Variants in ZNF611 observed in about 807,000 individuals in gnomAD.
ZNF611 encodes the protein zinc finger protein 611.
Under a neutral mutation model 8.9 loss-of-function variants are expected in ZNF611, and 6 were observed. The ratio of observed to expected loss-of-function variants is 0.68; its 90% CI spans 0.37 to 1.34. The LOEUF (loss-of-function observed/expected upper bound fraction) is 1.34. ZNF611 is among the 40% of genes most tolerant of loss of function. The pLI, the probability that ZNF611 is intolerant of heterozygous loss-of-function variation, is 0.02. For synonymous variants in ZNF611, 262 were observed against 279.7 expected (o/e 0.94, Z 0.63); for missense variants, 874 against 841.3 (o/e 1.04, Z -0.48).
In ZNF611 at chr19:52,704,735, A is replaced by C; in HGVS notation, c.*202T>G. The C allele has an allele frequency of 6.3e-7, 1 of 1,599,888 alleles. No individual in the cohort carries two copies. The highest frequency in any genetic ancestry group is 1.1e-5 in the South Asian group (1 of 90,188). On this transcript the variant is annotated 3_prime_UTR_variant, in exon 6 of 6. Coordinates refer to ENST00000652185, the MANE Select transcript of ZNF611 (RefSeq NM_001161499.2). The stretch of plus-strand genomic sequence containing the variant: ...ATTGCCTGATGGTGAATAAGTGTTG[A>C]CTGCTTGCCAAAGGCTTTGCCACAC...
rs563507971 is a variant in ZNF611 at position 52,715,584 on chromosome 19, G to A, written c.63+248C>T. On this transcript the variant is annotated intron_variant, in intron 4 of 5. Coordinates refer to ENST00000652185, the MANE Select transcript of ZNF611 (RefSeq NM_001161499.2). ...TGACATCAACGGGCTCACACCCCATGTTTATCCATGTCAGGGTGTGAGCCC... is the reference window on the plus strand; with the variant it reads ...TGACATCAACGGGCTCACACCCCATATTTATCCATGTCAGGGTGTGAGCCC... Among the ~76,000 whole-genome samples the A allele has an allele frequency of 3.3e-5, 5 of 152,304 alleles. No homozygotes were observed. In the East Asian group the frequency reaches 9.7e-4, roughly 29 times the overall value.
At position 52,726,014 on chromosome 19, in the gene ZNF611, A is replaced by G. The variant is rs142645488; in HGVS notation, c.-20+2716T>C. 3.5e-3 allele frequency among the ~76,000 whole-genome samples: 527 copies of G among 152,370 alleles called. 2 individuals are homozygous for G. The highest frequency in any genetic ancestry group is 0.012 in the African/African-American group (500 of 41,598). ...AAGCCCTGGAATTATCTGGAACGGG[A>G]ATGCAAACTAGAATGTGAAATGCAA... On this transcript the variant is annotated intron_variant, in intron 3 of 5. Coordinates refer to ENST00000652185, the MANE Select transcript of ZNF611 (RefSeq NM_001161499.2).
chr19:52,705,450 C>T lies in ZNF611; in HGVS notation c.1605G>A (p.Glu535=). The change falls in exon 6 of 6, where the codon GAG becomes GAA. Residue 535 remains glutamate, a synonymous_variant. Transcript: ENST00000652185. The part of the protein sequence containing the change: ...LETHKIGHTG[E]KPYKCKVCDK... ...CACAAACCTTACATTTGTATGGTTTCTCTCCAGTATGACCTATCTTATGTG... is the reference window on the plus strand; with the variant it reads ...CACAAACCTTACATTTGTATGGTTTTTCTCCAGTATGACCTATCTTATGTG... 6.2e-7 allele frequency: 1 copy of T among 1,614,180 alleles called. No homozygotes were observed. The highest frequency in any genetic ancestry group is 8.5e-7 in the Non-Finnish European group (1 of 1,180,020).
chr19:52,705,550 G>C lies in ZNF611; in HGVS notation c.1505C>G (p.Ser502Ter), dbSNP rs371627030. The C allele has an allele frequency of 5.6e-6, 9 of 1,613,326 alleles. No individual in the cohort carries two copies. The highest frequency in any genetic ancestry group is 6.8e-6 in the Non-Finnish European group (8 of 1,179,884). ...GQNSDLLIHK[S>*]IHTGEQPYKC... ...GTAAGGTTGCTCCCCAGTATGAATTGACTTATGAATTAAAAGATCTGAATT... is the reference window on the plus strand; with the variant it reads ...GTAAGGTTGCTCCCCAGTATGAATTCACTTATGAATTAAAAGATCTGAATT... Residue 502 changes from serine (S) to a stop codon, truncating the protein, a stop_gained, in exon 6 of 6, where the codon TCA becomes TGA. Transcript: ENST00000652185. LOFTEE classifies it low-confidence loss of function (END_TRUNC).
Position 52,706,761 on chromosome 19 carries a change from A to G in ZNF611, c.294T>C (p.Ile98=). ...CAATTTCCTGGAAGCAAAAATCTCC[A>G]ATGTGATGACTTTCATGTCTTTGCA... The part of the protein sequence containing the change: ...GTLQRHESHH[I]GDFCFQEIEK... The change falls in exon 6 of 6, where the codon ATT becomes ATC. Residue 98 remains isoleucine (I), a synonymous_variant. Transcript: ENST00000652185. 6.2e-7 allele frequency: 1 copy of G among 1,614,172 alleles called. No individual in the cohort carries two copies. The highest frequency in any genetic ancestry group is 8.5e-7 in the Non-Finnish European group (1 of 1,180,026).
rs570044686 is a variant in ZNF611 at position 52,732,164 on chromosome 19, G to A, written c.-221-2159C>T. On this transcript the variant is annotated intron_variant, in intron 1 of 5. Transcript: ENST00000652185. ...AGGAGCCTGTACTCCCAGCTACTCC[G>A]GAGGCTGAGGCAGGAGAATGGCGTG... Among the ~76,000 whole-genome samples the A allele has an allele frequency of 4.4e-4, 67 of 152,062 alleles. 1 individual carries two copies. The highest frequency in any genetic ancestry group is 1.6e-3 in the African/African-American group (66 of 41,496).
chr19:52,709,533 G>A (rs2062266393), intron 5 of ZNF611, among the ~76,000 whole-genome samples: 2 of 152,090 alleles, frequency 1.3e-5, no homozygotes, highest in African/African-American at 2.4e-5. Flanking sequence ...GCCTCCCAAA[G>A]TGCTGGGATT....
At chr19:52,714,826 T>C (rs1470082749) in intron 4 of ZNF611, among the ~76,000 whole-genome samples, 1 of 151,388 alleles carries the variant, frequency 6.6e-6, no homozygotes, top group Admixed American at 6.6e-5. Flanking sequence ...GGCAAAACCA[T>C]GTCTCTACTA....
chr19:52,706,055 T>C lies in ZNF611; in HGVS notation c.1000A>G (p.Lys334Glu), dbSNP rs2062241077. The C allele has an allele frequency of 5.0e-6, 8 of 1,614,108 alleles. No homozygotes were observed. Among genetic ancestry groups the C allele is most frequent in the African/African-American group, 4.0e-5 (3 of 75,030 alleles). ...FGQNSALLID[K>E]AIDTGENPYK... Reference sequence around the variant, plus strand: ...GGATTTTCTCCAGTATCAATTGCCTTATCAATTAGAAGGGCTGAATTTTGA... The same window carrying C: ...GGATTTTCTCCAGTATCAATTGCCTCATCAATTAGAAGGGCTGAATTTTGA... Residue 334 changes from lysine (K) to glutamate (E), a missense_variant, in exon 6 of 6, where the codon AAG (lysine) becomes GAG (glutamate). Physicochemically the swap from Lys to Glu is moderately conservative, Grantham distance 56. Coordinates refer to ENST00000652185, the MANE Select transcript of ZNF611 (RefSeq NM_001161499.2).
At chr19:52,734,394 C>A (rs947236551) in intron 1 of ZNF611, among the ~76,000 whole-genome samples, 1 of 152,136 alleles carries the variant, frequency 6.6e-6, no homozygotes, top group Non-Finnish European at 1.5e-5. Context: ...ATTTTCCACG[C>A]CCTGGAGCTC....
chr19:52,734,540 G>GT (rs1419784246), intron 1 of ZNF611, among the ~76,000 whole-genome samples: 1 of 83,500 alleles, frequency 1.2e-5, no homozygotes, highest in Non-Finnish European at 2.5e-5. Context: ...GCGGGGCGGG[G>GT]GGGGGGGGCG....
rs145568781 is a variant in ZNF611, at chr19:52,705,241, C to T, written c.1814G>A (p.Arg605His). The change falls in exon 6 of 6, where the codon CGC becomes CAC. Residue 605 changes from arginine to histidine, a missense_variant. Transcript: ENST00000652185. ...KCNECSKTFS[R>H]RSSLHCHRRL... ...ACGATGGCAATGAAGGGATGACCTG[C>T]GACTGAAGGTCTTGCTGCACTCATT... The T allele has an allele frequency of 4.7e-4, 764 of 1,613,836 alleles. 1 individual carries two copies. Among genetic ancestry groups the T allele is most frequent in the Non-Finnish European group, 6.0e-4 (712 of 1,179,980 alleles).
intron 1 of ZNF611, among the ~76,000 whole-genome samples, chr19:52,733,031 G>A (rs1600340446): frequency 1.3e-5 from 2 of 152,138 alleles, no homozygotes; most frequent in Admixed American, 6.5e-5. Flanking sequence ...ACTGACCCAC[G>A]TCCTACCCCA....
chr19:52,704,924 A>G lies in ZNF611; in HGVS notation c.*13T>C, dbSNP rs753676871. 3 of 1,613,314 alleles carry G rather than the reference A, an allele frequency of 1.9e-6. No homozygotes were observed. Among genetic ancestry groups the G allele is most frequent in the South Asian group, 1.1e-5 (1 of 91,024 alleles). ...GATTTCCAAATGGAAACTTTGTCAC[A>G]TGCTTCACATTTCTAAGGTTTCTCT... is the stretch of plus-strand genomic sequence containing the variant. On this transcript the variant is annotated 3_prime_UTR_variant, in exon 6 of 6. Coordinates refer to ENST00000652185, the MANE Select transcript of ZNF611 (RefSeq NM_001161499.2).
chr19:52,723,519 G>A (rs1185493560), intron 3 of ZNF611: 1 of 152,290 alleles, frequency 6.6e-6, no homozygotes, highest in Admixed American at 6.5e-5. Context: ...GCCTCCCAAA[G>A]TGCTGGGATT....
Position 52,705,548 on chromosome 19 carries a change from T to A in ZNF611, c.1507A>T (p.Ile503Phe), listed in dbSNP as rs147310094. Residue 503 changes from isoleucine (I) to phenylalanine (F), a missense_variant, in exon 6 of 6, where the codon ATT becomes TTT. By Grantham distance (21) the Ile-to-Phe change is conservative. Coordinates refer to ENST00000652185, the MANE Select transcript of ZNF611 (RefSeq NM_001161499.2). ...QNSDLLIHKS[I>F]HTGEQPYKCD... ...TTGTAAGGTTGCTCCCCAGTATGAA[T>A]TGACTTATGAATTAAAAGATCTGAA... is the stretch of plus-strand genomic sequence containing the variant. The A allele has an allele frequency of 2.5e-6, 4 of 1,614,128 alleles. No homozygotes were observed. In the East Asian group the frequency reaches 6.7e-5, roughly 27 times the overall value.
intron 5 of ZNF611, chr19:52,708,231 C>T (rs891418679): frequency 6.6e-6 from 1 of 152,194 alleles, no homozygotes; most frequent in Non-Finnish European, 1.5e-5. Flanking sequence ...CGCCTTGGCT[C>T]AAGCCTGTAA....
At chr19:52,734,645 C>T (rs1284952454) in intron 1 of ZNF611, among the ~76,000 whole-genome samples, 5 of 152,110 alleles carry the variant, frequency 3.3e-5, no homozygotes. Flanking sequence ...CGCGGCGCTC[C>T]CGGGGCTGAG....
chr19:52,709,365 C>T (rs904249560), intron 5 of ZNF611, among the ~76,000 whole-genome samples: 29 of 152,120 alleles, frequency 1.9e-4, no homozygotes, highest in Admixed American at 1.8e-3. Context: ...CTCTGCCTCC[C>T]GGGTTCAAGC....
Sources: gnomAD v4.1 joint callset for allele counts (sites outside exome capture counted in the v4.1 genomes callset) on GRCh38, gnomAD v4.1.1 for gene constraint, MANE v1.5 for transcripts, NCBI Gene and HGNC (gene_info 2026-07-23, HGNC 2026-07-21) for gene names.